The following ZNF8 variants were observed in gnomAD, a reference collection of about 807,000 sequenced individuals.
ZNF8 encodes the protein zinc finger protein 8.
A neutral mutation model predicts 12.2 loss-of-function variants in ZNF8; 9 were observed. The observed-to-expected ratio is 0.73, with a 90% CI of 0.44 to 1.28. ZNF8 has a LOEUF of 1.28. Among genes scored for constraint, ZNF8 ranks in the 50% most tolerant of loss-of-function variants. The pLI is 0.00. For synonymous variants in ZNF8, 274 were observed against 282.3 expected (o/e 0.97, Z 0.30); for missense variants, 664 against 729.1 (o/e 0.91, Z 1.03).
chr19:58,294,139 G>A lies in ZNF8; in HGVS notation c.331G>A (p.Glu111Lys), dbSNP rs1260284370. 3 of 1,611,584 alleles carry A rather than the reference G, an allele frequency of 1.9e-6. No homozygotes were observed. The highest frequency in any genetic ancestry group is 1.7e-4 in the Middle Eastern group (1 of 6,054). ...TGAAAGCCAAGCATCACGCAAGGAA[G>A]AGGGCCTGCCTGAAGAGGAGCCATC... is the stretch of plus-strand genomic sequence containing the variant. ...RSESQASRKE[E>K]GLPEEEPSHV... Residue 111 changes from glutamate to lysine, a missense_variant, in exon 4 of 4, where the codon GAG becomes AAG. By Grantham distance (56) the Glu-to-Lys change is moderately conservative. Transcript: ENST00000621650. The surrounding 1 kb of genome is among the most constrained non-coding windows in gnomAD (Gnocchi z 5.5).
chr19:58,285,438 A>G (rs981985561), intron 1 of ZNF8, among the ~76,000 whole-genome samples: 6 of 152,218 alleles, frequency 3.9e-5, no homozygotes, highest in Non-Finnish European at 8.8e-5. Flanking sequence ...TAAGTGGTTT[A>G]GGCCAGTCTC....
At chr19:58,280,963 G>A (rs1003375841) in intron 1 of ZNF8, among the ~76,000 whole-genome samples, 1 of 152,130 alleles carries the variant, frequency 6.6e-6, no homozygotes, top group Non-Finnish European at 1.5e-5. Flanking sequence ...TGCATTTAGG[G>A]CCCACCTGGA....
chr19:58,294,602 C>T lies in ZNF8; in HGVS notation c.794C>T (p.Ser265Leu), dbSNP rs189593987. 6.8e-5 allele frequency: 109 copies of T among 1,614,048 alleles called. No individual in the cohort carries two copies. The highest frequency in any genetic ancestry group is 1.6e-4 in the Middle Eastern group (1 of 6,062). ...TACAAATGTACTGACTGTGGGAAGT[C>T]GTTTAACCATAACGCACACCTCACC... ...KPYKCTDCGK[S>L]FNHNAHLTVH... The change falls in exon 4 of 4, where the codon TCG becomes TTG. Residue 265 changes from serine to leucine, a missense_variant. Transcript: ENST00000621650. This position sits in a 1 kb window ranked among gnomAD's most constrained non-coding sequence, Gnocchi z 5.5.
intron 3 of ZNF8, among the ~76,000 whole-genome samples, chr19:58,292,850 G>C (rs968914233): frequency 4.6e-5 from 7 of 151,926 alleles, no homozygotes; most frequent in African/African-American, 1.7e-4. Context: ...TCTACTTTTG[G>C]CTATTAATTA....
chr19:58,284,561 C>T (rs1004772645), intron 1 of ZNF8, among the ~76,000 whole-genome samples: 5 of 152,142 alleles, frequency 3.3e-5, no homozygotes, highest in African/African-American at 9.7e-5. Flanking sequence ...GAATTTTTCA[C>T]GTAAAGGCCA....
At chr19:58,290,496 C>T (rs1404221023) in intron 3 of ZNF8, among the ~76,000 whole-genome samples, 3 of 151,906 alleles carry the variant, frequency 2.0e-5, no homozygotes, top group African/African-American at 7.3e-5. Flanking sequence ...TTTGAGGGGC[C>T]GTTATTCAGC....
intron 3 of ZNF8, among the ~76,000 whole-genome samples, chr19:58,289,137 G>A (rs899648002): frequency 1.3e-5 from 2 of 152,158 alleles, no homozygotes; most frequent in Admixed American, 1.3e-4. Context: ...TATTTTCCAT[G>A]TAATGCTTTG....
At chr19:58,292,158 A>G (rs2051423545) in intron 3 of ZNF8, among the ~76,000 whole-genome samples, 1 of 152,206 alleles carries the variant, frequency 6.6e-6, no homozygotes, top group African/African-American at 2.4e-5. Flanking sequence ...GGTTTTGAGT[A>G]TATTCTCAGA....
intron 1 of ZNF8, among the ~76,000 whole-genome samples, chr19:58,285,077 C>T (rs1405413504): frequency 6.6e-6 from 1 of 152,060 alleles, no homozygotes; most frequent in African/African-American, 2.4e-5. Flanking sequence ...GTGAGCCTGC[C>T]TTGCCCTGAA....
intron 3 of ZNF8, among the ~76,000 whole-genome samples, chr19:58,291,931 G>A (rs1357461436): frequency 6.6e-6 from 1 of 152,060 alleles, no homozygotes; most frequent in African/African-American, 2.4e-5. Context: ...AGCAGAGTGG[G>A]CGTGGGGCAA....
At chr19:58,280,768 TC>T (rs2051346398) in intron 1 of ZNF8, among the ~76,000 whole-genome samples, 1 of 152,232 alleles carries the variant, frequency 6.6e-6, no homozygotes, top group African/African-American at 2.4e-5. Context: ...CTACCAAGGT[TC>T]TAGGGTAGAA....
intron 1 of ZNF8, among the ~76,000 whole-genome samples, chr19:58,283,879 A>G (rs770897917): frequency 3.3e-4 from 47 of 142,300 alleles, no homozygotes; most frequent in African/African-American, 7.9e-4. Context: ...GATTACAGGC[A>G]TGAGCCACCG....
Position 58,295,183 on chromosome 19 carries a change from A to G in ZNF8, c.1375A>G (p.Arg459Gly). The change falls in exon 4 of 4, where the codon AGG (arginine) becomes GGG (glycine). Residue 459 changes from arginine (R) to glycine (G), a missense_variant. Arg to Gly is a moderately radical substitution (Grantham distance 125). Around this residue, in one of 3 missense-constraint regions of ZNF8, gnomAD observed 225 missense variants for 222.0 expected, o/e 1.01. Coordinates refer to ENST00000621650, the MANE Select transcript of ZNF8 (RefSeq NM_021089.3). ...TGACCCACCTTTGAGTCAAGATGAG[A>G]GGACTCACCGAAGCGACAGACCCTT... ...GCDPPLSQDE[R>G]THRSDRPFKC... 1.2e-6 allele frequency: 2 copies of G among 1,614,178 alleles called. No individual in the cohort carries two copies. Among genetic ancestry groups the G allele is most frequent in the Non-Finnish European group, 8.5e-7 (1 of 1,180,050 alleles).
rs537110782 is a variant in ZNF8 at position 58,301,826 on chromosome 19, A to G, written c.*6290A>G. The G allele has an allele frequency of 6.6e-6, 1 of 152,232 alleles. No homozygotes were observed. Among genetic ancestry groups the G allele is most frequent in the African/African-American group, 2.4e-5 (1 of 41,456 alleles). 9.4% of individuals were successfully genotyped at this position (152,232 alleles called of 1,614,324 possible). A position where few individuals can be genotyped will look rare whatever the true frequency, so the allele number is the denominator to read the frequency against. On this transcript the variant is annotated 3_prime_UTR_variant, in exon 4 of 4. Coordinates refer to ENST00000621650, the MANE Select transcript of ZNF8 (RefSeq NM_021089.3). Reference sequence around the variant, plus strand: ...TATGAAGGGCAGTTTATCAGTCACTAAATTACAAATACATAAACCCTTTGT... The same window carrying G: ...TATGAAGGGCAGTTTATCAGTCACTGAATTACAAATACATAAACCCTTTGT...
chr19:58,290,367 G>A (rs554699044), intron 3 of ZNF8, among the ~76,000 whole-genome samples: 2 of 151,732 alleles, frequency 1.3e-5, no homozygotes, highest in South Asian at 2.1e-4. Flanking sequence ...GCCCGCCTTG[G>A]CCTCCCAAAG....
chr19:58,284,575 G>A (rs1015283176), intron 1 of ZNF8, among the ~76,000 whole-genome samples: 2 of 152,232 alleles, frequency 1.3e-5, no homozygotes, highest in Non-Finnish European at 2.9e-5. Context: ...AAGGCCAGGC[G>A]CGGCGGCTCC....
rs377670362 is a variant in ZNF8, at chr19:58,279,131, C to T, written c.50C>T (p.Pro17Leu). Residue 17 changes from proline to leucine, a missense_variant, in exon 1 of 4, where the codon CCG (proline) becomes CTG (leucine). Pro to Leu is a moderately conservative substitution (Grantham distance 98). This residue lies in a region of ZNF8 where 306 missense variants were observed against 308.7 expected (regional missense o/e 0.99). Coordinates refer to ENST00000621650, the MANE Select transcript of ZNF8 (RefSeq NM_021089.3). ...GCGGGAGTGATGTCTGTGGGGCCGC[C>T]GGCGGCCCGGCTTCAGGTAACAATA... The part of the protein sequence containing the change: ...GVAGVMSVGP[P>L]AARLQEPVTF... 5 of 1,559,522 alleles carry T rather than the reference C, an allele frequency of 3.2e-6. No individual in the cohort carries two copies. Among genetic ancestry groups the T allele is most frequent in the Non-Finnish European group, 4.3e-6 (5 of 1,151,642 alleles).
At chr19:58,285,592 C>T (rs1047651129) in intron 1 of ZNF8, 125 bp from the exon 2 acceptor site, 25 of 1,376,368 alleles carry the variant, frequency 1.8e-5, no homozygotes, top group South Asian at 7.4e-5. Flanking sequence ...ACCTGACTCC[C>T]ATCATTCATA....
intron 3 of ZNF8, among the ~76,000 whole-genome samples, chr19:58,290,534 AT>A (rs113113825): frequency 3.3e-4 from 49 of 150,768 alleles, no homozygotes; most frequent in African/African-American, 1.0e-3. Context: ...TAGAGAGTAA[AT>A]TTTTTTTTTA....
Sources: gnomAD v4.1 joint callset for allele counts (sites outside exome capture counted in the v4.1 genomes callset) on GRCh38, gnomAD v4.1.1 for gene constraint, gnomAD v4.1.1 regional missense constraint, Gnocchi (gnomAD v3.1) non-coding constraint, MANE v1.5 for transcripts, NCBI Gene and HGNC (gene_info 2026-07-23, HGNC 2026-07-21) for gene names.